The following NGLY1 variants were observed in gnomAD, a reference collection of about 807,000 sequenced individuals.
NGLY1 encodes peptide-N(4)-(N-acetyl-beta-glucosaminyl)asparagine amidase.
A neutral mutation model predicts 84.6 loss-of-function variants in NGLY1; 68 were observed. That is an observed-to-expected ratio of 0.80 (90% confidence interval 0.66 to 0.98). The LOEUF is 0.98. Among genes scored for constraint, NGLY1 ranks in the 50% least tolerant of loss-of-function variants. The pLI is 0.00. For synonymous variants in NGLY1, 280 were observed against 275.2 expected, an observed-to-expected ratio of 1.02 and a Z score of -0.17; for missense variants, 779 against 770.2, an observed-to-expected ratio of 1.01 and a Z score of -0.14.
At chr3:25,757,368 G>C (rs1229797643) in intron 3 of NGLY1, among the ~76,000 whole-genome samples, 2 of 152,138 alleles carry the variant, frequency 1.3e-5, no homozygotes, top group African/African-American at 4.8e-5. Flanking sequence ...TCACCTCTTA[G>C]CTTTGCTCTC....
intron 3 of NGLY1, among the ~76,000 whole-genome samples, chr3:25,761,750 G>A (rs1707331815): frequency 6.6e-6 from 1 of 152,094 alleles, no homozygotes; most frequent in Non-Finnish European, 1.5e-5. Context: ...ACAAAAATTT[G>A]TATGTGAATG....
At chr3:25,769,584 T>C (rs112165928) in intron 2 of NGLY1, among the ~76,000 whole-genome samples, 41 of 152,250 alleles carry the variant, frequency 2.7e-4, no homozygotes, top group African/African-American at 9.6e-4. Context: ...AGAATCTTTA[T>C]ACATTCCTAG....
chr3:25,773,577 G>A (rs1708003406), intron 2 of NGLY1, among the ~76,000 whole-genome samples: 2 of 152,096 alleles, frequency 1.3e-5, no homozygotes, highest in Non-Finnish European at 1.5e-5. Context: ...GTCTCCTTAA[G>A]TAACCTAATA....
At chr3:25,789,205 T>A (rs897272431) in intron 1 of NGLY1, among the ~76,000 whole-genome samples, 13 of 152,188 alleles carry the variant, frequency 8.5e-5, no homozygotes, top group Non-Finnish European at 1.8e-4. Context: ...AGCAAACAGT[T>A]AATGAATTTT....
intron 9 of NGLY1, among the ~76,000 whole-genome samples, chr3:25,731,724 T>C (rs1705545235): frequency 6.6e-6 from 1 of 152,064 alleles, no homozygotes; most frequent in Admixed American, 6.6e-5. Context: ...ATTACATTCA[T>C]ACAATAAATT....
intron 10 of NGLY1, among the ~76,000 whole-genome samples, chr3:25,722,110 C>A (rs1337348734): frequency 1.3e-5 from 2 of 151,614 alleles, no homozygotes; most frequent in African/African-American, 4.8e-5. Flanking sequence ...CCCAGCTACT[C>A]GGGAGGCTGA....
intron 2 of NGLY1, chr3:25,777,628 C>A (rs1708219081): frequency 6.6e-6 from 1 of 152,180 alleles, no homozygotes; most frequent in Non-Finnish European, 1.5e-5. Context: ...CAAGTCACAG[C>A]TCAAATGTCA....
intron 2 of NGLY1, among the ~76,000 whole-genome samples, chr3:25,769,111 C>A (rs1707769723): frequency 6.6e-6 from 1 of 152,038 alleles, no homozygotes; most frequent in South Asian, 2.1e-4. Context: ...GTAATCCCAG[C>A]ACTTTGGGAG....
In NGLY1 at chr3:25,746,853, G is replaced by A. The variant is rs372221732; in HGVS notation, c.658+4245C>T. Among the ~76,000 whole-genome samples the A allele has an allele frequency of 4.6e-5, 7 of 152,080 alleles. No individual in the cohort carries two copies. The East Asian group carries it at 1.2e-3, about 25-fold the overall frequency. ...GGTTTTATTTTTTATTTTTTGAGACGGAGTTTCGCTCTTTTGCCCAGGCTG... is the reference window on the plus strand; with the variant it reads ...GGTTTTATTTTTTATTTTTTGAGACAGAGTTTCGCTCTTTTGCCCAGGCTG... On this transcript the variant is annotated intron_variant, in intron 4 of 11. Transcript: ENST00000280700.
chr3:25,726,628 CA>C (rs1314035836), intron 10 of NGLY1, among the ~76,000 whole-genome samples: 1 of 152,150 alleles, frequency 6.6e-6, no homozygotes, highest in Admixed American at 6.5e-5. Flanking sequence ...CAGTGCAAGG[CA>C]AAGCCAGAGA....
Position 25,729,246 on chromosome 3 carries a change from C to T in NGLY1, c.1498G>A (p.Val500Met). ...GAAACTCGAACATAACGATCTTTCA[C>T]AATATTGTAACAAAGGTGGAGCTGT... ...SKQLHLCYNI[V>M]KDRYVRVSNN... Residue 500 changes from valine to methionine, a missense_variant, in exon 10 of 12, where the codon GTG becomes ATG. Transcript: ENST00000280700. 6.4e-7 allele frequency: 1 copy of T among 1,554,378 alleles called. No homozygotes were observed. Among genetic ancestry groups the T allele is most frequent in the Non-Finnish European group, 8.7e-7 (1 of 1,145,550 alleles).
intron 6 of NGLY1, 116 bp from the exon 7 acceptor site, chr3:25,736,265 TCA>T: frequency 6.4e-7 from 1 of 1,551,028 alleles, no homozygotes; most frequent in Non-Finnish European, 8.7e-7. Flanking sequence ...ATTCTGAATT[TCA>T]GTTAATAAGT....
chr3:25,783,178 C>T lies in NGLY1; in HGVS notation c.131+82G>A. Reference sequence around the variant, plus strand: ...GCGTCGCTGCCCTCTGAAGCTCAGGCCGGACGCCCCAGTCCCTGGCCGAAC... The same window carrying T: ...GCGTCGCTGCCCTCTGAAGCTCAGGTCGGACGCCCCAGTCCCTGGCCGAAC... On this transcript the variant is annotated intron_variant, in intron 1 of 11. Coordinates refer to ENST00000280700, the MANE Select transcript of NGLY1 (RefSeq NM_018297.4). This position sits in a 1 kb window ranked among gnomAD's most constrained non-coding sequence, Gnocchi z 4.5. 7.6e-7 allele frequency: 1 copy of T among 1,322,070 alleles called. No individual in the cohort carries two copies. Among genetic ancestry groups the T allele is most frequent in the Non-Finnish European group, 1.1e-6 (1 of 936,598 alleles). 81.9% of individuals were successfully genotyped at this position (1,322,070 alleles called of 1,614,324 possible). A position where few individuals can be genotyped will look rare whatever the true frequency, so the allele number is the denominator to read the frequency against.
At chr3:25,786,589 A>C (rs1708608146), upstream of NGLY1, among the ~76,000 whole-genome samples, 1 of 152,236 alleles carries the variant, frequency 6.6e-6, no homozygotes, top group Non-Finnish European at 1.5e-5. Context: ...GGAAGCAGCC[A>C]GGAAAATGAG....
At chr3:25,736,454 A>T in intron 6 of NGLY1, 1 of 1,429,100 alleles carries the variant, frequency 7.0e-7, no homozygotes, top group Admixed American at 2.1e-5. Flanking sequence ...TCCTGAGTTT[A>T]CTATCATGAA....
intron 6 of NGLY1, chr3:25,736,533 T>A: frequency 1.6e-6 from 1 of 611,882 alleles, no homozygotes. Context: ...CAGCAGGAAG[T>A]CTAATAGAAT....
At chr3:25,731,666 A>G (rs747072314) in intron 9 of NGLY1, among the ~76,000 whole-genome samples, 7 of 152,158 alleles carry the variant, frequency 4.6e-5, no homozygotes, top group East Asian at 1.9e-4. Flanking sequence ...AGCACCATTT[A>G]TATCAGCCAA....
At chr3:25,765,436 A>G (rs1246299107) in intron 2 of NGLY1, among the ~76,000 whole-genome samples, 9 of 150,382 alleles carry the variant, frequency 6.0e-5, no homozygotes, top group Admixed American at 4.0e-4. Flanking sequence ...CCTAGGTGAC[A>G]GAGCAGGACT....
exon 1 of NGLY1, chr3:25,789,892 C>G (rs1261082847): frequency 1.9e-6 from 3 of 1,551,510 alleles, no homozygotes; most frequent in Non-Finnish European, 2.6e-6. Context: ...CCTCGATTAT[C>G]GGCGAGTCAC....
Sources: gnomAD v4.1 joint callset for allele counts (sites outside exome capture counted in the v4.1 genomes callset) on GRCh38, gnomAD v4.1.1 for gene constraint, Gnocchi (gnomAD v3.1) non-coding constraint, MANE v1.5 for transcripts, NCBI Gene and HGNC (gene_info 2026-07-23, HGNC 2026-07-21) for gene names.